The following PALB2 variants were observed in gnomAD, a reference collection of about 807,000 sequenced individuals.
PALB2 encodes the protein partner and localizer of BRCA2.
Under a neutral mutation model 107.4 loss-of-function variants are expected in PALB2, and 82 were observed. The observed-to-expected ratio is 0.76, with a 90% CI of 0.64 to 0.92. The LOEUF is 0.92. PALB2 is among the 40% of genes least tolerant of loss of function. The pLI is 0.00. For synonymous variants in PALB2, 489 were observed against 496.8 expected, an observed-to-expected ratio of 0.98 and a Z score of 0.21; for missense variants, 1,374 against 1,379.9, an observed-to-expected ratio of 1.00 and a Z score of 0.07.
At chr16:23,623,207 T>TC (rs1415213455) in intron 8 of PALB2, 77 bp from the exon 9 acceptor site, 1 of 1,286,212 alleles carries the variant, frequency 7.8e-7, no homozygotes, top group East Asian at 2.6e-5. Context: ...TCACTTTTTT[T>TC]TTTTTTTTTT....
rs1555461850 is a variant in PALB2 at position 23,636,270 on chromosome 16, A to C, written c.276T>G (p.Thr92=). 1.9e-6 allele frequency: 3 copies of C among 1,613,908 alleles called. No homozygotes were observed. The highest frequency in any genetic ancestry group is 2.5e-6 in the Non-Finnish European group (3 of 1,179,944). The part of the protein sequence containing the change: ...LHIKTHLDEE[T]GEKTSITLDV... ...CAAGTGTGATAGATGTCTTTTCTCC[A>C]GTTTCTTCATCAAGATGGGTTTTGA... Residue 92 remains threonine, a synonymous_variant, in exon 4 of 13, where the codon ACT becomes ACG. Coordinates refer to ENST00000261584, the MANE Select transcript of PALB2 (RefSeq NM_024675.4).
chr16:23,628,275 G>A (rs563582057), intron 6 of PALB2, among the ~76,000 whole-genome samples: 23 of 152,180 alleles, frequency 1.5e-4, no homozygotes, highest in African/African-American at 4.3e-4. Context: ...AATAAATTCC[G>A]AAACAGAGCA....
In PALB2 at chr16:23,635,215, T is replaced by C. The variant is rs764599493; in HGVS notation, c.1331A>G (p.Asn444Ser). The change falls in exon 4 of 13, where the codon AAT becomes AGT. Residue 444 changes from asparagine to serine, a missense_variant. Transcript: ENST00000261584. ...GTTTAAATTTTTACTTGCATCCTTA[T>C]TTTTATTTTTAAACCCTTTTTTCTT... Reference protein sequence around the residue: ...DVKKKGFKNKNKDASKNLNLS... With the variant: ...DVKKKGFKNKSKDASKNLNLS... 1 of 1,614,172 alleles carries C rather than the reference T, an allele frequency of 6.2e-7. No homozygotes were observed.
In PALB2 at chr16:23,635,147, C is replaced by G. The variant is rs45602239; in HGVS notation, c.1399G>C (p.Gly467Arg). ...GAACTTGGTTGTCCTGTGCATGTGC[C>G]AGACATCCTAATTTCACTTTGGTCA... Reference protein sequence around the residue: ...ETDQSEIRMSGTCTGQPSSRT... With the variant: ...ETDQSEIRMSRTCTGQPSSRT... The change falls in exon 4 of 13, where the codon GGC becomes CGC. Residue 467 changes from glycine to arginine, a missense_variant. Coordinates refer to ENST00000261584, the MANE Select transcript of PALB2 (RefSeq NM_024675.4). The G allele has an allele frequency of 7.4e-6, 12 of 1,614,188 alleles. No homozygotes were observed. The highest frequency in any genetic ancestry group is 1.0e-5 in the Non-Finnish European group (12 of 1,180,038).
At chr16:23,618,026 T>C (rs925609733) in intron 10 of PALB2, among the ~76,000 whole-genome samples, 9 of 151,972 alleles carry the variant, frequency 5.9e-5, no homozygotes, top group Admixed American at 2.6e-4. Context: ...TAGCCAGGCA[T>C]GGTGGTGTAC....
chr16:23,629,175 G>A (rs568560425), intron 6 of PALB2, 29 bp downstream of exon 6: 22 of 1,558,508 alleles, frequency 1.4e-5, no homozygotes, highest in Admixed American at 3.3e-5. Flanking sequence ...TGTAAGACAC[G>A]AGACACTGGA....
intron 5 of PALB2, 75 bp downstream of exon 5, chr16:23,629,565 G>GC (rs1966855139): frequency 7.0e-7 from 1 of 1,426,750 alleles, no homozygotes; most frequent in South Asian, 1.1e-5. Context: ...CAATGCGCAA[G>GC]CAAGTCATGC....
chr16:23,631,212 G>A (rs1966873609), intron 4 of PALB2, among the ~76,000 whole-genome samples: 1 of 148,886 alleles, frequency 6.7e-6, no homozygotes, highest in African/African-American at 2.5e-5. Context: ...CCCAGGAGGC[G>A]GAGCTTGCAG....
chr16:23,638,748 TGA>T (rs1241872681), intron 1 of PALB2, among the ~76,000 whole-genome samples: 4 of 152,128 alleles, frequency 2.6e-5, no homozygotes, highest in East Asian at 3.8e-4. Flanking sequence ...CAGAGTGATA[TGA>T]GAGAGTTACT....
rs1555461473 is a variant in PALB2 at position 23,635,483 on chromosome 16, A to C, written c.1063T>G (p.Leu355Val). 6.2e-7 allele frequency: 1 copy of C among 1,614,066 alleles called. No homozygotes were observed. The highest frequency in any genetic ancestry group is 8.5e-7 in the Non-Finnish European group (1 of 1,179,996). Residue 355 changes from leucine to valine, a missense_variant, in exon 4 of 13, where the codon TTA becomes GTA. Transcript: ENST00000261584. ...TCAAGAGTGTCACTGGGAGATTTTA[A>C]AGATTTCTCTGTTTGATTTTGTTCT... ...LKEQNQTEKS[L>V]KSPSDTLDGR... is the part of the protein sequence containing the mutation.
Position 23,626,246 on chromosome 16 carries a change from T to A in PALB2, c.2738A>T (p.His913Leu), listed in dbSNP as rs760363440. 8 of 1,614,212 alleles carry A rather than the reference T, an allele frequency of 5.0e-6. No individual in the cohort carries two copies. In the South Asian group the frequency reaches 8.8e-5, roughly 18 times the overall value. The change falls in exon 7 of 13, where the codon CAC becomes CTC. Residue 913 changes from histidine to leucine, a missense_variant. By Grantham distance (99) the His-to-Leu change is moderately conservative. Coordinates refer to ENST00000261584, the MANE Select transcript of PALB2 (RefSeq NM_024675.4). ...AWQWEKLYTW[H>L]FAEVPVLQIV... ...GAGATTCCCACTTACCTCTGCGAAG[T>A]GCCAGGTATAAAGTTTTTCCCACTG...
At chr16:23,628,889 C>T (rs1966852564) in intron 6 of PALB2, among the ~76,000 whole-genome samples, 1 of 152,204 alleles carries the variant, frequency 6.6e-6, no homozygotes, top group Non-Finnish European at 1.5e-5. Flanking sequence ...CCGCTTCAGC[C>T]TCCCAAAGTG....
At position 23,640,157 on chromosome 16, in the gene PALB2, C is replaced by T. The variant is rs545582632; in HGVS notation, c.48+953G>A. 86 of 170,014 alleles carry T rather than the reference C, an allele frequency of 5.1e-4. No individual in the cohort carries two copies. The South Asian group carries it at 0.016, about 32-fold the overall frequency. The allele number at this position is 170,014 out of a possible 1,614,324, so 10.5% of individuals were successfully genotyped here. On this transcript the variant is annotated intron_variant, in intron 1 of 12. Transcript: ENST00000261584. ...CTGCCCATCTCGGCCTCCCAAAGTG[C>T]GGGGATTACAGGCGTGAGCCAGGGA...
intron 2 of PALB2, 40 bp downstream of exon 2, chr16:23,638,030 T>A (rs368859605): frequency 6.2e-7 from 1 of 1,605,786 alleles, no homozygotes; most frequent in Non-Finnish European, 8.5e-7. Context: ...TTAAATTGTT[T>A]GTACTATAAC....
intron 10 of PALB2, 137 bp from the exon 11 acceptor site, chr16:23,614,228 AT>A: frequency 1.5e-6 from 1 of 662,764 alleles, no homozygotes; most frequent in Non-Finnish European, 2.7e-6. Context: ...TTCTTTAGTC[AT>A]AGATTTAGGT....
intron 4 of PALB2, among the ~76,000 whole-genome samples, chr16:23,632,860 G>A (rs985606854): frequency 1.3e-5 from 2 of 152,144 alleles, no homozygotes; most frequent in Non-Finnish European, 2.9e-5. Context: ...TTGGGAGGCC[G>A]AGGTGGGTAG....
chr16:23,636,285 A>T lies in PALB2; in HGVS notation c.261T>A (p.His87Gln), dbSNP rs2142447442. ...TCTTTTCTCCAGTTTCTTCATCAAG[A>T]TGGGTTTTGATGTGTAACTTGTCAT... ...CVYDKLHIKTHLDEETGEKTS... is the reference protein window; with the variant it reads ...CVYDKLHIKTQLDEETGEKTS... The change falls in exon 4 of 13, where the codon CAT becomes CAA. Residue 87 changes from histidine (H) to glutamine (Q), a missense_variant. Coordinates refer to ENST00000261584, the MANE Select transcript of PALB2 (RefSeq NM_024675.4). The T allele has an allele frequency of 1.1e-5, 18 of 1,613,648 alleles. No individual in the cohort carries two copies. The highest frequency in any genetic ancestry group is 1.5e-5 in the Non-Finnish European group (18 of 1,179,810).
At chr16:23,608,137 G>T in intron 11 of PALB2, 125 bp from the exon 12 acceptor site, 1 of 1,061,960 alleles carries the variant, frequency 9.4e-7, no homozygotes, top group Non-Finnish European at 1.4e-6. Flanking sequence ...AAGTATCCAG[G>T]ATTTAACCAC....
At chr16:23,604,529 G>A (rs1200230372) in intron 12 of PALB2, among the ~76,000 whole-genome samples, 2 of 152,250 alleles carry the variant, frequency 1.3e-5, no homozygotes, top group Non-Finnish European at 2.9e-5. Context: ...CACTTTGGGA[G>A]GCCAAGGCGG....
Sources: allele counts gnomAD v4.1 joint callset (sites outside exome capture counted in the v4.1 genomes callset), GRCh38; gene constraint gnomAD v4.1.1; transcripts MANE v1.5; gene names NCBI Gene and HGNC (gene_info 2026-07-23, HGNC 2026-07-21).